Variants in DTWD2 observed in about 807,000 individuals in gnomAD.
The protein encoded by DTWD2 is DTW motif tRNA-uridine aminocarboxypropyltransferase 2.
A neutral mutation model predicts 31.8 loss-of-function variants in DTWD2; 39 were observed. The ratio of observed to expected loss-of-function variants is 1.22; its 90% CI spans 0.95 to 1.60. The LOEUF (loss-of-function observed/expected upper bound fraction) is 1.60. DTWD2 is among the 40% of genes most tolerant of loss of function. The pLI is 0.00. For synonymous variants in DTWD2, 180 were observed against 142.8 expected (o/e 1.26, Z -1.86); for missense variants, 515 against 381.5 (o/e 1.35, Z -2.92).
intron 1 of DTWD2, 163 bp downstream of exon 1, chr5:118,988,131 A>T (rs1755470357): frequency 2.4e-6 from 2 of 824,506 alleles, no homozygotes; most frequent in African/African-American, 1.7e-5. Flanking sequence ...GCTTCTTACT[A>T]GGTAGCTGTG....
At chr5:118,966,994 G>A (rs148343182) in intron 1 of DTWD2, among the ~76,000 whole-genome samples, 1 of 148,776 alleles carries the variant, frequency 6.7e-6, no homozygotes, top group Non-Finnish European at 1.5e-5. Flanking sequence ...TTACGCCACT[G>A]CACTCCAGCA....
intron 5 of DTWD2, among the ~76,000 whole-genome samples, chr5:118,845,055 G>T (rs1751818036): frequency 6.6e-6 from 1 of 152,134 alleles, no homozygotes; most frequent in Non-Finnish European, 1.5e-5. Flanking sequence ...GCTGAGGTGG[G>T]AGGATCACTT....
chr5:118,924,294 G>C (rs893105302), intron 4 of DTWD2, among the ~76,000 whole-genome samples: 2 of 152,182 alleles, frequency 1.3e-5, no homozygotes, highest in African/African-American at 2.4e-5. Flanking sequence ...CCATTCATAA[G>C]AGAAAATCAG....
At chr5:118,928,781 T>C in intron 3 of DTWD2, 52 bp from the exon 4 acceptor site, 1 of 1,378,246 alleles carries the variant, frequency 7.3e-7, no homozygotes, top group Non-Finnish European at 9.6e-7. Context: ...GGAAAAAAGG[T>C]TTTATTATGC....
chr5:118,856,691 T>C (rs1283683815), intron 4 of DTWD2, among the ~76,000 whole-genome samples: 4 of 152,260 alleles, frequency 2.6e-5, no homozygotes, highest in African/African-American at 9.6e-5. Flanking sequence ...ATATTTTGTA[T>C]TTTTCTTTAC....
intron 4 of DTWD2, among the ~76,000 whole-genome samples, chr5:118,849,773 G>C (rs1322266204): frequency 1.3e-5 from 2 of 152,058 alleles, no homozygotes; most frequent in African/African-American, 2.4e-5. Flanking sequence ...AACTAACACA[G>C]GAATCGAAAA....
At chr5:118,983,483 C>G (rs1007523438) in intron 1 of DTWD2, among the ~76,000 whole-genome samples, 16 of 152,106 alleles carry the variant, frequency 1.1e-4, no homozygotes, top group African/African-American at 3.6e-4. Flanking sequence ...CACCTGCACT[C>G]TTCCCTTCTC....
rs1296859591 is a variant in DTWD2 at position 118,838,598 on chromosome 5, A to G, written c.*2319T>C. 1.3e-5 allele frequency: 2 copies of G among 152,162 alleles called. No homozygotes were observed. Among genetic ancestry groups the G allele is most frequent in the African/African-American group, 4.8e-5 (2 of 41,440 alleles). The allele number at this position is 152,162 out of a possible 1,614,324, so 9.4% of individuals were successfully genotyped here. A position where few individuals can be genotyped will look rare whatever the true frequency, so the allele number is the denominator to read the frequency against. On this transcript the variant is annotated 3_prime_UTR_variant, in exon 6 of 6. Transcript: ENST00000510708. ...GGTGACTAGAGAAGCATTTTATACC[A>G]CAGATGATTAAATGGACTCACCTTG... is the stretch of plus-strand genomic sequence containing the variant.
At chr5:118,927,841 C>G (rs886848522) in intron 4 of DTWD2, among the ~76,000 whole-genome samples, 4 of 151,990 alleles carry the variant, frequency 2.6e-5, no homozygotes, top group African/African-American at 9.7e-5. Context: ...TAAACTATTC[C>G]AGGTCATAGA....
intron 1 of DTWD2, among the ~76,000 whole-genome samples, chr5:118,967,637 A>C (rs1410478340): frequency 1.3e-5 from 2 of 152,220 alleles, no homozygotes; most frequent in Non-Finnish European, 2.9e-5. Flanking sequence ...ATAGTATTGG[A>C]TTATAATCCA....
In DTWD2 at chr5:118,944,622, T is replaced by G. The variant is rs1270670389; in HGVS notation, c.246A>C (p.Pro82=). ...CSRPQKVCLC[P]FLPAHPLHIS... ...TATGCAGAGGGTGCGCTGGGAGAAA[T>G]GGACACAAACACACTTTCTGAGGCC... Residue 82 remains proline, a synonymous_variant, in exon 2 of 6, where the codon CCA becomes CCC. Coordinates refer to ENST00000510708, the MANE Select transcript of DTWD2 (RefSeq NM_173666.4). The G allele has an allele frequency of 1.2e-6, 2 of 1,613,406 alleles. No individual in the cohort carries two copies. Among genetic ancestry groups the G allele is most frequent in the Middle Eastern group, 1.7e-4 (1 of 5,940 alleles).
intron 1 of DTWD2, among the ~76,000 whole-genome samples, chr5:118,967,048 T>C (rs1251060410): frequency 7.2e-6 from 1 of 139,178 alleles, no homozygotes; most frequent in Non-Finnish European, 1.6e-5. Context: ...AAAAAGACAA[T>C]CAGTAACTCA....
intron 1 of DTWD2, among the ~76,000 whole-genome samples, chr5:118,952,083 G>A (rs1228007144): frequency 6.6e-6 from 1 of 152,202 alleles, no homozygotes; most frequent in Non-Finnish European, 1.5e-5. Flanking sequence ...TTGAGGGATA[G>A]TGAGAGGACA....
chr5:118,931,755 A>G (rs1445225224), intron 3 of DTWD2, among the ~76,000 whole-genome samples: 6 of 152,220 alleles, frequency 3.9e-5, no homozygotes, highest in Non-Finnish European at 7.3e-5. Flanking sequence ...ATTGATATTT[A>G]TAGAATAGTC....
chr5:118,951,782 A>G (rs1450941310), intron 1 of DTWD2, among the ~76,000 whole-genome samples: 1 of 152,010 alleles, frequency 6.6e-6, no homozygotes, highest in Non-Finnish European at 1.5e-5. Context: ...AAGGGGTGGG[A>G]GGGTACTTGC....
intron 1 of DTWD2, among the ~76,000 whole-genome samples, chr5:118,950,215 A>G (rs1196969215): frequency 7.9e-6 from 1 of 126,156 alleles, no homozygotes; most frequent in Non-Finnish European, 1.6e-5. Context: ...TCCATCTCCA[A>G]AAAAAAAAAA....
intron 4 of DTWD2, among the ~76,000 whole-genome samples, chr5:118,876,890 A>G (rs1437856085): frequency 2.0e-5 from 3 of 152,232 alleles, no homozygotes; most frequent in Non-Finnish European, 4.4e-5. Context: ...GGCCAGCATC[A>G]TCGTGATACC....
intron 1 of DTWD2, among the ~76,000 whole-genome samples, chr5:118,957,794 G>A (rs1754620533): frequency 6.6e-6 from 1 of 151,868 alleles, no homozygotes; most frequent in African/African-American, 2.4e-5. Context: ...TCCTTAACAG[G>A]GAATCTCACC....
intron 4 of DTWD2, among the ~76,000 whole-genome samples, chr5:118,880,531 G>A (rs188237451): frequency 8.6e-5 from 13 of 152,022 alleles, no homozygotes; most frequent in Admixed American, 3.9e-4. Context: ...TCCATTTACA[G>A]ATTATCTCAA....
Sources: gnomAD v4.1 joint callset for allele counts (sites outside exome capture counted in the v4.1 genomes callset) on GRCh38, gnomAD v4.1.1 for gene constraint, MANE v1.5 for transcripts, NCBI Gene and HGNC (gene_info 2026-07-23, HGNC 2026-07-21) for gene names.